The following MED12L variants were observed in gnomAD, a reference collection of about 807,000 sequenced individuals.
MED12L encodes the protein mediator of RNA polymerase II transcription subunit 12-like protein.
In MED12L, 60 loss-of-function variants were observed where a neutral mutation model predicts 281.3. The ratio of observed to expected loss-of-function variants is 0.21; its 90% CI spans 0.17 to 0.26. The LOEUF is 0.26. Among genes scored for constraint, MED12L ranks in the 10% least tolerant of loss-of-function variants. The pLI is 1.00. For missense variants in MED12L, 2,146 were observed against 2,680.9 expected (o/e 0.80, Z 4.41); for synonymous variants, 974 against 987.2 (o/e 0.99, Z 0.25).
chr3:151,247,272 C>T (rs1735759372), intron 16 of MED12L, among the ~76,000 whole-genome samples: 1 of 151,972 alleles, frequency 6.6e-6, no homozygotes, highest in African/African-American at 2.4e-5. Context: ...GGTATATACC[C>T]AAAGGATTAT....
chr3:151,141,174 TTTTG>T (rs1716894209), intron 5 of MED12L, among the ~76,000 whole-genome samples: 15 of 122,750 alleles, frequency 1.2e-4, no homozygotes, highest in African/African-American at 5.9e-4. Flanking sequence ...GCGTTTTTTT[TTTTG>T]TTTTTTTTGT....
At chr3:151,184,715 G>A (rs772699606) in intron 11 of MED12L, among the ~76,000 whole-genome samples, 4 of 152,162 alleles carry the variant, frequency 2.6e-5, no homozygotes, top group Non-Finnish European at 5.9e-5. Context: ...ACCTAGACCC[G>A]GCTGCTGTCC....
At chr3:151,269,859 G>A (rs1008788499) in intron 16 of MED12L, 26 of 458,044 alleles carry the variant, frequency 5.7e-5, no homozygotes, top group Admixed American at 3.4e-4. Context: ...AGCAGGAAGA[G>A]GCAGCACGAA....
chr3:151,291,162 T>TG (rs63142563), intron 16 of MED12L, among the ~76,000 whole-genome samples: 7 of 76,156 alleles, frequency 9.2e-5, no homozygotes, highest in East Asian at 6.5e-4. Flanking sequence ...TTTTTTTTTT[T>TG]TTTGTTTTTA....
chr3:151,384,908 G>T, intron 35 of MED12L, 122 bp from the exon 36 acceptor site: 1 of 695,916 alleles, frequency 1.4e-6, no homozygotes, highest in East Asian at 2.6e-5. Context: ...CAGGGTTAAA[G>T]AACATGCGCT....
intron 16 of MED12L, chr3:151,213,344 T>G (rs1727503693): frequency 6.2e-7 from 1 of 1,612,598 alleles, no homozygotes; most frequent in African/African-American, 1.3e-5. Context: ...CCTCTTTTGA[T>G]TCTGGAAATG....
intron 16 of MED12L, chr3:151,198,222 G>C (rs572507023): frequency 1.8e-5 from 8 of 442,930 alleles, no homozygotes; most frequent in African/African-American, 1.2e-4. Flanking sequence ...CAAATATTTG[G>C]GTTAATGAGT....
Position 151,087,004 on chromosome 3 carries a change from A to G in MED12L, c.78A>G (p.Pro26=). Reference sequence around the variant, plus strand: ...GGCTCGGGCCGCCCGACGTCTACCCACAGGACCCCAAGCAGAAGGAGGTAA... The same window carrying G: ...GGCTCGGGCCGCCCGACGTCTACCCGCAGGACCCCAAGCAGAAGGAGGTAA... ...RPRLGPPDVY[P]QDPKQKEDEL... Residue 26 remains proline, a synonymous_variant, in exon 2 of 45, where the codon CCA becomes CCG. Transcript: ENST00000687756. 6.2e-7 allele frequency: 1 copy of G among 1,609,804 alleles called. No homozygotes were observed.
chr3:151,260,194 TAAAGA>T (rs1738596095), intron 16 of MED12L, among the ~76,000 whole-genome samples: 1 of 152,118 alleles, frequency 6.6e-6, no homozygotes. Context: ...TGTTTAAAAA[TAAAGA>T]AAAGAGCCGC....
At chr3:151,288,164 G>A (rs552618031) in intron 16 of MED12L, among the ~76,000 whole-genome samples, 1 of 152,168 alleles carries the variant, frequency 6.6e-6, no homozygotes, top group Non-Finnish European at 1.5e-5. Context: ...ATATTTTCTT[G>A]TTGTCCCTAT....
At chr3:151,349,750 A>T (rs1577400842) in intron 16 of MED12L, among the ~76,000 whole-genome samples, 1 of 152,282 alleles carries the variant, frequency 6.6e-6, no homozygotes, top group East Asian at 1.9e-4. Flanking sequence ...AATTAATACC[A>T]TGTTCAATTT....
chr3:151,093,077 T>A (rs1340251994), intron 2 of MED12L, among the ~76,000 whole-genome samples: 1 of 152,196 alleles, frequency 6.6e-6, no homozygotes, highest in East Asian at 1.9e-4. Flanking sequence ...AGACCAAGGC[T>A]GGAGGATTGC....
At chr3:151,429,494 G>A (rs1461123996) in intron 43 of MED12L, among the ~76,000 whole-genome samples, 1 of 152,210 alleles carries the variant, frequency 6.6e-6, no homozygotes, top group African/African-American at 2.4e-5. Flanking sequence ...AAGAAAAGGA[G>A]AAAACGATAG....
intron 38 of MED12L, among the ~76,000 whole-genome samples, chr3:151,392,467 G>GAAAAAAAAAAAAAAAAAAAAAAATAAAA (rs200781609): frequency 2.1e-5 from 2 of 95,858 alleles, no homozygotes; most frequent in Non-Finnish European, 3.9e-5. Flanking sequence ...TCCATCTCAA[G>GAAAAAAAAAAAAAAAAAAAAAAATAAAA]AAAAAAAAAA....
intron 39 of MED12L, among the ~76,000 whole-genome samples, chr3:151,403,497 A>G (rs1378360689): frequency 2.0e-5 from 3 of 152,182 alleles, no homozygotes; most frequent in African/African-American, 7.2e-5. Context: ...TATTCCCAAA[A>G]TCTCAACGGA....
At chr3:151,176,001 T>C (rs2149031070) in intron 11 of MED12L, among the ~76,000 whole-genome samples, 1 of 152,330 alleles carries the variant, frequency 6.6e-6, no homozygotes, top group South Asian at 2.1e-4. Flanking sequence ...TTTGCTGTCA[T>C]TGTAGAAGTT....
rs113294502 is a variant in MED12L, at chr3:151,363,413, C to G, written c.2958-1566C>G. Among the ~76,000 whole-genome samples the G allele has an allele frequency of 6.7e-3, 1,021 of 152,124 alleles. 8 individuals are homozygous for G. The highest frequency in any genetic ancestry group is 0.023 in the South Asian group (110 of 4,822). ...AGAGGAGTATTTTTTTCTGAAACAC[C>G]ATTCACACAGTTGTGTGAGAGGAGT... On this transcript the variant is annotated intron_variant, in intron 21 of 44. Coordinates refer to ENST00000687756, the MANE Select transcript of MED12L (RefSeq NM_001393769.1).
chr3:151,309,942 C>G (rs1218585397), intron 16 of MED12L, among the ~76,000 whole-genome samples: 1 of 151,912 alleles, frequency 6.6e-6, no homozygotes, highest in Admixed American at 6.6e-5. Context: ...TGGTACAACC[C>G]AGGGAGGGGT....
At position 151,411,575 on chromosome 3, in the gene MED12L, T is replaced by C. The variant is rs13082811; in HGVS notation, c.6140+68T>C. 1.2e-4 allele frequency: 164 copies of C among 1,333,590 alleles called. 1 individual carries two copies. Among genetic ancestry groups the C allele is most frequent in the Non-Finnish European group, 4.0e-5 (37 of 930,574 alleles). The allele number at this position is 1,333,590 out of a possible 1,614,324, so 82.6% of individuals were successfully genotyped here. On this transcript the variant is annotated intron_variant, in intron 41 of 44. Coordinates refer to ENST00000687756, the MANE Select transcript of MED12L (RefSeq NM_001393769.1). ...ATTCTCGGGTTTCTTATGCTTCTTA[T>C]AGGGCATGGTACTTTATCATTGTTT...
Sources: gnomAD v4.1 joint callset for allele counts (sites outside exome capture counted in the v4.1 genomes callset) on GRCh38, gnomAD v4.1.1 for gene constraint, MANE v1.5 for transcripts, NCBI Gene and HGNC (gene_info 2026-07-23, HGNC 2026-07-21) for gene names.